The following IGSF21 variants were observed in gnomAD, a reference collection of about 807,000 sequenced individuals.
IGSF21 encodes the protein immunoglobin superfamily member 21, also known as immunoglobulin superfamily member 21.
IGSF21 carries 28 observed loss-of-function variants against 46.8 expected under a neutral mutation model. That is an observed-to-expected ratio of 0.60 (90% confidence interval 0.44 to 0.82). The LOEUF (loss-of-function observed/expected upper bound fraction) is 0.82, where lower values mean the gene tolerates loss of function less well. Among genes scored for constraint, IGSF21 ranks in the 40% least tolerant of loss-of-function variants. The pLI is 0.00. For missense variants in IGSF21, 624 were observed against 665.5 expected, an observed-to-expected ratio of 0.94 and a Z score of 0.69; for synonymous variants, 284 against 273.6, an observed-to-expected ratio of 1.04 and a Z score of -0.38.
intron 2 of IGSF21, among the ~76,000 whole-genome samples, chr1:18,270,766 T>C (rs1339511009): frequency 5.9e-5 from 9 of 151,648 alleles, no homozygotes; most frequent in Non-Finnish European, 1.5e-5. Context: ...CACATCAGTG[T>C]CCATCAGAGA....
chr1:18,243,626 C>T (rs1213678674), intron 2 of IGSF21, among the ~76,000 whole-genome samples: 2 of 152,136 alleles, frequency 1.3e-5, no homozygotes, highest in Admixed American at 1.3e-4. Context: ...TGATACTTAA[C>T]AATAAAACCC....
chr1:18,233,601 T>C (rs990628414), intron 2 of IGSF21, among the ~76,000 whole-genome samples: 5 of 152,220 alleles, frequency 3.3e-5, no homozygotes, highest in Non-Finnish European at 7.3e-5. Context: ...GTTCAGCTCA[T>C]TGTGGCACCT....
chr1:18,192,729 CA>C (rs1208944892), intron 1 of IGSF21, among the ~76,000 whole-genome samples: 2 of 152,066 alleles, frequency 1.3e-5, no homozygotes, highest in African/African-American at 4.8e-5. Context: ...TCTTGGTGGA[CA>C]ATAGCCAGTT....
intron 1 of IGSF21, among the ~76,000 whole-genome samples, chr1:18,165,325 C>G (rs563093735): frequency 3.9e-5 from 6 of 152,270 alleles, no homozygotes; most frequent in South Asian, 2.1e-4. Context: ...CCTGGACTTG[C>G]GGATGGTCAC....
intron 1 of IGSF21, among the ~76,000 whole-genome samples, chr1:18,161,576 G>A (rs774505766): frequency 3.0e-4 from 46 of 152,210 alleles, no homozygotes; most frequent in African/African-American, 9.1e-4. Flanking sequence ...GTATCCCACC[G>A]GTGACAGGAG....
At chr1:18,181,909 TGAG>T (rs1269820828) in intron 1 of IGSF21, among the ~76,000 whole-genome samples, 1 of 152,112 alleles carries the variant, frequency 6.6e-6, no homozygotes, top group Non-Finnish European at 1.5e-5. Flanking sequence ...TTGTGTCTGA[TGAG>T]CTCTGCTATA....
intron 2 of IGSF21, among the ~76,000 whole-genome samples, chr1:18,285,094 A>G (rs1204010048): frequency 6.6e-6 from 1 of 152,226 alleles, no homozygotes; most frequent in Non-Finnish European, 1.5e-5. Context: ...TGGGATATCA[A>G]GTTTATTACA....
At chr1:18,287,812 C>A (rs2085230150) in intron 2 of IGSF21, among the ~76,000 whole-genome samples, 1 of 152,210 alleles carries the variant, frequency 6.6e-6, no homozygotes, top group Non-Finnish European at 1.5e-5. Context: ...AGACACAACC[C>A]AGCCTTCTGG....
At chr1:18,132,168 A>AATGG (rs3045379) in intron 1 of IGSF21, among the ~76,000 whole-genome samples, 7 of 151,072 alleles carry the variant, frequency 4.6e-5, no homozygotes, top group African/African-American at 9.8e-5. Flanking sequence ...TATCTGGATG[A>AATGG]ATGGATGGAT....
intron 2 of IGSF21, among the ~76,000 whole-genome samples, chr1:18,260,734 C>T (rs2084939370): frequency 1.3e-5 from 2 of 152,184 alleles, no homozygotes; most frequent in Admixed American, 1.3e-4. Flanking sequence ...AAAGTTCCTT[C>T]ATGTCTTATG....
chr1:18,371,759 T>C (rs1376128411), intron 6 of IGSF21, among the ~76,000 whole-genome samples: 1 of 152,176 alleles, frequency 6.6e-6, no homozygotes, highest in Non-Finnish European at 1.5e-5. Flanking sequence ...CAGAGGGTCC[T>C]TCCTTGAACA....
chr1:18,263,679 G>A (rs933668094), intron 2 of IGSF21, among the ~76,000 whole-genome samples: 5 of 152,146 alleles, frequency 3.3e-5, no homozygotes, highest in African/African-American at 1.2e-4. Flanking sequence ...CAGAGCGGTT[G>A]CGAAAAGTGC....
Position 18,376,383 on chromosome 1 carries a change from C to A in IGSF21, c.1089C>A (p.Val363=). 6.2e-7 allele frequency: 1 copy of A among 1,613,370 alleles called. No homozygotes were observed. Among genetic ancestry groups the A allele is most frequent in the Non-Finnish European group, 8.5e-7 (1 of 1,179,404 alleles). Residue 363 remains valine, a synonymous_variant, in exon 7 of 10, where the codon GTC becomes GTA. Transcript: ENST00000251296. ...TAGGGGACACAGTGAGGATTCTGGT[C>A]CATGGGTTTCAGGTCAGCCTCTCTC... is the stretch of plus-strand genomic sequence containing the variant. The part of the protein sequence containing the change: ...ARVGDTVRIL[V]HGFQNEVFPE...
intron 1 of IGSF21, among the ~76,000 whole-genome samples, chr1:18,161,722 C>T (rs2086625214): frequency 6.6e-6 from 1 of 152,170 alleles, no homozygotes; most frequent in Admixed American, 6.5e-5. Flanking sequence ...GATGTGCTCC[C>T]AACTTACACT....
At chr1:18,231,748 C>T (rs958729672) in intron 2 of IGSF21, among the ~76,000 whole-genome samples, 29 of 152,278 alleles carry the variant, frequency 1.9e-4, no homozygotes, top group African/African-American at 7.0e-4. Flanking sequence ...GGAAGTTTCA[C>T]TGGATAACCT....
chr1:18,157,361 C>G (rs2086577886), intron 1 of IGSF21, among the ~76,000 whole-genome samples: 1 of 152,196 alleles, frequency 6.6e-6, no homozygotes, highest in Non-Finnish European at 1.5e-5. Flanking sequence ...ACCCTGTGAG[C>G]CACTCTGGGG....
At chr1:18,336,685 C>T (rs928335491) in intron 4 of IGSF21, among the ~76,000 whole-genome samples, 49 of 152,196 alleles carry the variant, frequency 3.2e-4, no homozygotes, top group Admixed American at 1.3e-4. Context: ...ATTACTTCAC[C>T]AAAGAACCCT....
At chr1:18,348,206 G>A (rs1437550690) in intron 4 of IGSF21, among the ~76,000 whole-genome samples, 1 of 152,218 alleles carries the variant, frequency 6.6e-6, no homozygotes, top group African/African-American at 2.4e-5. Flanking sequence ...AACCCTGATT[G>A]CCTAGCTTGG....
At chr1:18,177,239 T>C (rs1360435467) in intron 1 of IGSF21, among the ~76,000 whole-genome samples, 1 of 152,112 alleles carries the variant, frequency 6.6e-6, no homozygotes, top group Non-Finnish European at 1.5e-5. Flanking sequence ...AATAATCCAA[T>C]AATGGGCACT....
Sources: allele counts gnomAD v4.1 joint callset (sites outside exome capture counted in the v4.1 genomes callset), GRCh38; gene constraint gnomAD v4.1.1; transcripts MANE v1.5; gene names NCBI Gene and HGNC (gene_info 2026-07-23, HGNC 2026-07-21).